Variants in MYPN observed in about 807,000 individuals in gnomAD.
The protein encoded by MYPN is myopalladin, also known as sarcomeric protein myopalladin, 145 kDa (MYOP).
In MYPN, 63 loss-of-function variants were observed where a neutral mutation model predicts 129.4. That is an observed-to-expected ratio of 0.49 (90% CI 0.40 to 0.60). The LOEUF (loss-of-function observed/expected upper bound fraction) is 0.60. MYPN is among the 20% of genes least tolerant of loss of function. The probability of loss-of-function intolerance (pLI) is 0.00; values close to 1 mark genes in which losing one functional copy is unlikely to be tolerated. For synonymous variants in MYPN, 629 were observed against 600.9 expected, an observed-to-expected ratio of 1.05 and a Z score of -0.68; for missense variants, 1,596 against 1,635.4, an observed-to-expected ratio of 0.98 and a Z score of 0.42.
At chr10:68,109,823 A>G (rs909765849) in intron 1 of MYPN, 100 bp downstream of exon 1, 12 of 375,620 alleles carry the variant, frequency 3.2e-5, no homozygotes, top group Non-Finnish European at 6.3e-5. Flanking sequence ...ACTTGAAATG[A>G]AACCTAGGAT....
In MYPN at chr10:68,195,550, TCC is replaced by T; in HGVS notation, c.3158+22_3158+23del. The T allele has an allele frequency of 6.2e-7, 1 of 1,606,728 alleles. No homozygotes were observed. The highest frequency in any genetic ancestry group is 8.5e-7 in the Non-Finnish European group (1 of 1,173,400). ...TCTCACAGGTAAAGACAGTAAGAAT[TCC>T]CCCTCTCTAGGCCCTTCCCAAGCAC... On this transcript the variant is annotated intron_variant, in intron 15 of 19. Transcript: ENST00000358913.
chr10:68,126,294 A>G (rs1417374145), intron 2 of MYPN, among the ~76,000 whole-genome samples: 1 of 152,218 alleles, frequency 6.6e-6, no homozygotes, highest in African/African-American at 2.4e-5. Context: ...TTTATATAGC[A>G]GAGAGGACAC....
intron 12 of MYPN, among the ~76,000 whole-genome samples, chr10:68,188,101 T>G (rs932437167): frequency 2.0e-5 from 3 of 152,002 alleles, no homozygotes; most frequent in African/African-American, 7.2e-5. Flanking sequence ...TAAGAGAGAT[T>G]TTTTTCTTTT....
intron 4 of MYPN, among the ~76,000 whole-genome samples, chr10:68,147,940 T>C (rs1167776805): frequency 6.6e-6 from 1 of 152,210 alleles, no homozygotes; most frequent in Non-Finnish European, 1.5e-5. Context: ...TGAGAGACCC[T>C]GTCTTGGATC....
chr10:68,088,622 T>C (rs2041917353), intron 1 of MYPN, among the ~76,000 whole-genome samples: 1 of 152,242 alleles, frequency 6.6e-6, no homozygotes, highest in Admixed American at 6.5e-5. Flanking sequence ...TACCAATTGC[T>C]TTTTGAAGTT....
At chr10:68,136,398 A>G in intron 2 of MYPN, 1 of 853,930 alleles carries the variant, frequency 1.2e-6, no homozygotes, top group Non-Finnish European at 1.5e-6. Flanking sequence ...TTCTAAAAAC[A>G]TGCCACCGGT....
intron 12 of MYPN, among the ~76,000 whole-genome samples, chr10:68,186,293 A>G (rs2043420507): frequency 6.6e-6 from 1 of 152,210 alleles, no homozygotes. Context: ...AATTAAAACC[A>G]AGAAACACTT....
rs142609234 is a variant in MYPN, at chr10:68,091,729, T to A, written c.-2+3737T>A. Among the ~76,000 whole-genome samples the A allele has an allele frequency of 1.4e-3, 217 of 152,056 alleles. 6 individuals carry two copies. The East Asian group carries it at 0.04, about 28-fold the overall frequency. ...AGCCCAAATTTGCTCGTTTTTTTTT[T>A]ATTTTCCTTCTTTTGATGTGCTTGA... On this transcript the variant is annotated intron_variant, in intron 1 of 6. Transcript: ENST00000685154.
chr10:68,167,990 C>T (rs1358053474), intron 10 of MYPN, among the ~76,000 whole-genome samples: 1 of 152,196 alleles, frequency 6.6e-6, no homozygotes, highest in African/African-American at 2.4e-5. Flanking sequence ...TCAGTCCAGC[C>T]TCTGTCTGAT....
chr10:68,129,004 C>CTT (rs1238808614), intron 2 of MYPN, among the ~76,000 whole-genome samples: 3 of 147,384 alleles, frequency 2.0e-5, no homozygotes, highest in Non-Finnish European at 4.5e-5. Flanking sequence ...CTCTCTCTCT[C>CTT]TTTTTTTTTT....
intron 2 of MYPN, among the ~76,000 whole-genome samples, chr10:68,133,635 C>T (rs1411114188): frequency 6.6e-6 from 1 of 151,962 alleles, no homozygotes. Context: ...GGACATGCTC[C>T]AGGCTCAGGG....
At chr10:68,146,591 T>C (rs1264684306) in intron 4 of MYPN, among the ~76,000 whole-genome samples, 1 of 152,220 alleles carries the variant, frequency 6.6e-6, no homozygotes, top group Non-Finnish European at 1.5e-5. Context: ...ATGAAACAGA[T>C]ATTTATTTCT....
At chr10:68,136,506 T>C in intron 2 of MYPN, 1 of 1,365,512 alleles carries the variant, frequency 7.3e-7, no homozygotes, top group Non-Finnish European at 9.5e-7. Context: ...AGGGTAAATT[T>C]AATACCTTTT....
At chr10:68,110,405 A>G (rs1049151064) in intron 1 of MYPN, among the ~76,000 whole-genome samples, 13 of 152,214 alleles carry the variant, frequency 8.5e-5, no homozygotes, top group African/African-American at 3.1e-4. Context: ...TAAAAACTGT[A>G]TAAGCAAAGA....
chr10:68,147,217 C>A (rs199511268), intron 4 of MYPN, among the ~76,000 whole-genome samples: 1 of 152,118 alleles, frequency 6.6e-6, no homozygotes, highest in Non-Finnish European at 1.5e-5. Context: ...TGCTGTAGTG[C>A]GATCTCAGCT....
At chr10:68,182,661 C>A (rs1187577114) in intron 12 of MYPN, among the ~76,000 whole-genome samples, 1 of 151,766 alleles carries the variant, frequency 6.6e-6, no homozygotes. Context: ...CACTCGCCAC[C>A]ATGCCTGGCT....
At chr10:68,206,558 A>G (rs1336245349) in intron 18 of MYPN, among the ~76,000 whole-genome samples, 2 of 152,172 alleles carry the variant, frequency 1.3e-5, no homozygotes, top group Non-Finnish European at 2.9e-5. Flanking sequence ...GACTTGCAGC[A>G]GTGGGGAGGG....
intron 2 of MYPN, among the ~76,000 whole-genome samples, chr10:68,128,865 C>T (rs2042366134): frequency 6.6e-6 from 1 of 152,032 alleles, no homozygotes; most frequent in African/African-American, 2.4e-5. Context: ...CTTGATGCAG[C>T]AAGTTAATTG....
chr10:68,143,223 A>C, intron 3 of MYPN, 108 bp downstream of exon 3: 1 of 1,054,528 alleles, frequency 9.5e-7, no homozygotes, highest in Non-Finnish European at 1.4e-6. Context: ...CTAGGCAATG[A>C]GGATACAGCA....
Sources: allele counts gnomAD v4.1 joint callset (sites outside exome capture counted in the v4.1 genomes callset), GRCh38; gene constraint gnomAD v4.1.1; transcripts MANE v1.5; gene names NCBI Gene and HGNC (gene_info 2026-07-23, HGNC 2026-07-21).